ARHGAP1: variants seen among roughly 807,000 people sequenced by gnomAD.
The protein encoded by ARHGAP1 is rho GTPase-activating protein 1.
ARHGAP1 carries 23 observed loss-of-function variants against 52.2 expected under a neutral mutation model. That is an observed-to-expected ratio of 0.44 (90% confidence interval 0.32 to 0.62). ARHGAP1 has a LOEUF of 0.62. Among genes scored for constraint, ARHGAP1 ranks in the 20% least tolerant of loss-of-function variants. The pLI is 0.05. For missense variants in ARHGAP1, 480 were observed against 560.9 expected (o/e 0.86, Z 1.46); for synonymous variants, 210 against 228.4 (o/e 0.92, Z 0.73).
At position 46,679,955 on chromosome 11, in the gene ARHGAP1, C is replaced by A; in HGVS notation, c.899-179G>T. On this transcript the variant is annotated intron_variant, in intron 10 of 12. Transcript: ENST00000311956. This position sits in a 1 kb window ranked among gnomAD's most constrained non-coding sequence, Gnocchi z 4.4. ...GTGATCAGAGAATGCAGGTTCCGGC[C>A]ATCTGGGGAAGTGGGGCCCGGCACA... is the stretch of plus-strand genomic sequence containing the variant. 8.6e-7 allele frequency: 1 copy of A among 1,165,818 alleles called. No individual in the cohort carries two copies. Among genetic ancestry groups the A allele is most frequent in the Non-Finnish European group, 1.2e-6 (1 of 845,926 alleles). 72.2% of individuals were successfully genotyped at this position (1,165,818 alleles called of 1,614,324 possible).
Position 46,678,084 on chromosome 11 carries a change from A to G in ARHGAP1, c.*953T>C, listed in dbSNP as rs557845614. 4 of 308,752 alleles carry G rather than the reference A, an allele frequency of 1.3e-5. No individual in the cohort carries two copies. The East Asian group carries it at 5.2e-4, about 41-fold the overall frequency. The allele number at this position is 308,752 out of a possible 1,614,324, so 19.1% of individuals were successfully genotyped here. On this transcript the variant is annotated 3_prime_UTR_variant, in exon 13 of 13. Coordinates refer to ENST00000311956, the MANE Select transcript of ARHGAP1 (RefSeq NM_004308.5). ...TAGTCTCTACCCCAGCCCCTTTAAGAGTCCCCCAGCTGGAGGAAGGAGCCA... is the reference window on the plus strand; with the variant it reads ...TAGTCTCTACCCCAGCCCCTTTAAGGGTCCCCCAGCTGGAGGAAGGAGCCA...
At position 46,697,067 on chromosome 11, in the gene ARHGAP1, G is replaced by A. The variant is rs141849912; in HGVS notation, c.-49-911C>T. ...CAGTTTCAAGGTGGAAAGGTTGACG[G>A]CCCTAAGGATTGGAGGGCGCAGATG... On this transcript the variant is annotated intron_variant, in intron 1 of 12. Coordinates refer to ENST00000311956, the MANE Select transcript of ARHGAP1 (RefSeq NM_004308.5). 4.1e-3 allele frequency: 625 copies of A among 152,494 alleles called. 4 individuals carry two copies. The highest frequency in any genetic ancestry group is 3.7e-3 in the Non-Finnish European group (252 of 68,136). 9.4% of individuals were successfully genotyped at this position (152,494 alleles called of 1,614,324 possible).
Position 46,680,228 on chromosome 11 carries a change from T to G in ARHGAP1, c.875A>C (p.Glu292Ala), listed in dbSNP as rs1303493733. ...ACCCATGTTGTACTTCTGCTGCACT[T>G]CCCGGACCACTTGGGTGTTGGCCGA... ...RRSANTQVVR[E>A]VQQKYNMGLP... The change falls in exon 10 of 13, where the codon GAA (glutamate) becomes GCA (alanine). Residue 292 changes from glutamate to alanine, a missense_variant. Glu to Ala is a moderately radical substitution (Grantham distance 107). Transcript: ENST00000311956. This position sits in a 1 kb window ranked among gnomAD's most constrained non-coding sequence, Gnocchi z 5.9. 6.2e-7 allele frequency: 1 copy of G among 1,613,786 alleles called. No homozygotes were observed. Among genetic ancestry groups the G allele is most frequent in the Non-Finnish European group, 8.5e-7 (1 of 1,179,994 alleles).
chr11:46,691,224 C>A (rs1039265778), intron 3 of ARHGAP1, among the ~76,000 whole-genome samples: 1 of 152,122 alleles, frequency 6.6e-6, no homozygotes, highest in South Asian at 2.1e-4. Context: ...GTTTTGGTAG[C>A]CTGCACAAAA....
Position 46,680,109 on chromosome 11 carries a change from G to C in ARHGAP1, c.898+96C>G, listed in dbSNP as rs2064512119. The C allele has an allele frequency of 7.2e-7, 1 of 1,394,890 alleles. No individual in the cohort carries two copies. The highest frequency in any genetic ancestry group is 1.4e-5 in the African/African-American group (1 of 70,330). The allele number at this position is 1,394,890 out of a possible 1,614,324, so 86.4% of individuals were successfully genotyped here. ...GAGCCACGGAAACCTCCAGCAGGAA[G>C]AGACTCTGAGACTCTCATTTACAGG... On this transcript the variant is annotated intron_variant, in intron 10 of 12. Coordinates refer to ENST00000311956, the MANE Select transcript of ARHGAP1 (RefSeq NM_004308.5). The surrounding 1 kb of genome is among the most constrained non-coding windows in gnomAD (Gnocchi z 5.9).
chr11:46,697,628 G>A lies in ARHGAP1; in HGVS notation c.-49-1472C>T, dbSNP rs184896170. 329 of 152,324 alleles carry A rather than the reference G, an allele frequency of 2.2e-3. 1 individual carries two copies. Among genetic ancestry groups the A allele is most frequent in the Non-Finnish European group, 3.4e-3 (232 of 68,138 alleles). 9.4% of individuals were successfully genotyped at this position (152,324 alleles called of 1,614,324 possible). ...CACCCTATCACCAGGGCAACCACACGGATTGAGTGGTAACGCTGTTTCATG... is the reference window on the plus strand; with the variant it reads ...CACCCTATCACCAGGGCAACCACACAGATTGAGTGGTAACGCTGTTTCATG... On this transcript the variant is annotated intron_variant, in intron 1 of 12. Coordinates refer to ENST00000311956, the MANE Select transcript of ARHGAP1 (RefSeq NM_004308.5).
At chr11:46,683,100 G>A (rs190254478) in intron 4 of ARHGAP1, among the ~76,000 whole-genome samples, 44 of 142,680 alleles carry the variant, frequency 3.1e-4, no homozygotes, top group Middle Eastern at 7.3e-3. Flanking sequence ...GCACCGTAGC[G>A]CAATCACAGC....
In ARHGAP1 at chr11:46,680,593, T is replaced by TGCAGCCCTTCCCGCCCCGCCGTGGCCC. The variant is rs1392485147; in HGVS notation, c.743+20_744-31dup. The TGCAGCCCTTCCCGCCCCGCCGTGGCCC allele has an allele frequency of 2.9e-5, 46 of 1,613,418 alleles. No homozygotes were observed. Among genetic ancestry groups the TGCAGCCCTTCCCGCCCCGCCGTGGCCC allele is most frequent in the Non-Finnish European group, 3.9e-5 (46 of 1,179,614 alleles). On this transcript the variant is annotated intron_variant, in intron 8 of 12. Transcript: ENST00000311956. The surrounding 1 kb of genome is among the most constrained non-coding windows in gnomAD (Gnocchi z 5.9). ...GGGAAAAAGGCTGGTGAGCCGGGCC[T>TGCAGCCCTTCCCGCCCCGCCGTGGCCC]GCAGCCCTTCCCGCCCCGCCGTGGC...
intron 1 of ARHGAP1, chr11:46,697,249 T>A (rs1283148542): frequency 6.6e-6 from 1 of 152,154 alleles, no homozygotes; most frequent in South Asian, 2.1e-4. Context: ...AGCCTGGGGG[T>A]AGGCACCTCT....
At chr11:46,697,953 T>C (rs1399280945) in intron 1 of ARHGAP1, among the ~76,000 whole-genome samples, 1 of 152,120 alleles carries the variant, frequency 6.6e-6, no homozygotes, top group Non-Finnish European at 1.5e-5. Flanking sequence ...GACCTCCAGC[T>C]GGGTAATAAA....
Position 46,681,134 on chromosome 11 carries a change from G to T in ARHGAP1, c.537-25C>A, listed in dbSNP as rs755164517. On this transcript the variant is annotated intron_variant, in intron 6 of 12. Transcript: ENST00000311956. The surrounding 1 kb of genome is among the most constrained non-coding windows in gnomAD (Gnocchi z 5.7). ...GCTGTTGGTGGAAGAAAGGGCCTGG[G>T]TTGTGGGGGCCCGCTTCCGGTGGCC... 1.2e-6 allele frequency: 2 copies of T among 1,605,572 alleles called. No individual in the cohort carries two copies. Among genetic ancestry groups the T allele is most frequent in the South Asian group, 1.1e-5 (1 of 90,896 alleles).
In ARHGAP1 at chr11:46,680,517, T is replaced by G; in HGVS notation, c.790A>C (p.Arg264=). The G allele has an allele frequency of 6.2e-7, 1 of 1,614,040 alleles. No individual in the cohort carries two copies. ...GCCTGTAAGTAGGCAACAGTCTCCC[T>G]GAGTACAATGGGAATGGGCTCCTGC... ...PEQEPIPIVL[R]ETVAYLQAHA... Residue 264 remains arginine (R), a synonymous_variant, in exon 9 of 13, where the codon AGG becomes CGG. Transcript: ENST00000311956. The surrounding 1 kb of genome is among the most constrained non-coding windows in gnomAD (Gnocchi z 5.9).
chr11:46,688,856 G>A (rs1288966740), intron 3 of ARHGAP1, among the ~76,000 whole-genome samples: 20 of 151,776 alleles, frequency 1.3e-4, no homozygotes, highest in Non-Finnish European at 7.4e-5. Context: ...GCTGAACCAG[G>A]GGGATCACCT....
At chr11:46,688,049 A>C in intron 4 of ARHGAP1, 124 bp downstream of exon 4, 1 of 856,804 alleles carries the variant, frequency 1.2e-6, no homozygotes, top group Non-Finnish European at 1.8e-6. Flanking sequence ...CTTCATGAGA[A>C]GAGGGAAGGC....
In ARHGAP1 at chr11:46,680,107, AAG is replaced by A; in HGVS notation, c.898+96_898+97del. 1 of 1,396,782 alleles carries A rather than the reference AAG, an allele frequency of 7.2e-7. No individual in the cohort carries two copies. The highest frequency in any genetic ancestry group is 1.0e-6 in the Non-Finnish European group (1 of 988,976). 86.5% of individuals were successfully genotyped at this position (1,396,782 alleles called of 1,614,324 possible). ...CAGAGCCACGGAAACCTCCAGCAGG[AAG>A]AGACTCTGAGACTCTCATTTACAGG... On this transcript the variant is annotated intron_variant, in intron 10 of 12. Coordinates refer to ENST00000311956, the MANE Select transcript of ARHGAP1 (RefSeq NM_004308.5). The surrounding 1 kb of genome is among the most constrained non-coding windows in gnomAD (Gnocchi z 5.9).
intron 3 of ARHGAP1, among the ~76,000 whole-genome samples, chr11:46,694,497 C>T (rs1241728699): frequency 6.6e-6 from 1 of 152,098 alleles, no homozygotes; most frequent in Non-Finnish European, 1.5e-5. Context: ...CAGCTCTGTG[C>T]GGGGGTTGTG....
At chr11:46,699,284 T>A (rs1229043788) in intron 1 of ARHGAP1, among the ~76,000 whole-genome samples, 1 of 152,108 alleles carries the variant, frequency 6.6e-6, no homozygotes, top group Non-Finnish European at 1.5e-5. Flanking sequence ...AATTAATTCA[T>A]CTCCTAAGTA....
Position 46,699,574 on chromosome 11 carries a change from G to T in ARHGAP1, c.-50+977C>A, listed in dbSNP as rs566392002. ...AAAAATTAGCCGGGTGTGGTGGCGC[G>T]CGCCTGTACTCCCAGCTACCTGGGA... On this transcript the variant is annotated intron_variant, in intron 1 of 12. Coordinates refer to ENST00000311956, the MANE Select transcript of ARHGAP1 (RefSeq NM_004308.5). Among the ~76,000 whole-genome samples the T allele has an allele frequency of 1.3e-4, 17 of 129,560 alleles. No homozygotes were observed. The East Asian group carries it at 3.0e-3, about 23-fold the overall frequency. 85.0% of individuals were successfully genotyped at this position (129,560 alleles called of 152,430 possible). A position where few individuals can be genotyped will look rare whatever the true frequency, so the allele number is the denominator to read the frequency against.
chr11:46,689,015 C>T (rs1338173885), intron 3 of ARHGAP1, among the ~76,000 whole-genome samples: 3 of 147,342 alleles, frequency 2.0e-5, no homozygotes, highest in East Asian at 2.0e-4. Flanking sequence ...ACCTGGGAGG[C>T]GGAGGTTGCA....
Sources: gnomAD v4.1 joint callset for allele counts (sites outside exome capture counted in the v4.1 genomes callset) on GRCh38, gnomAD v4.1.1 for gene constraint, Gnocchi (gnomAD v3.1) non-coding constraint, MANE v1.5 for transcripts, NCBI Gene and HGNC (gene_info 2026-07-23, HGNC 2026-07-21) for gene names.